The following KCNQ4 variants were observed in gnomAD, a reference collection of about 807,000 sequenced individuals.
KCNQ4 encodes the protein potassium voltage-gated channel subfamily Q member 4, also known as potassium voltage-gated channel subfamily KQT member 4.
KCNQ4 carries 31 observed loss-of-function variants against 72.6 expected under a neutral mutation model. The observed-to-expected ratio is 0.43, with a 90% CI of 0.32 to 0.58. The LOEUF is 0.58. KCNQ4 is among the 20% of genes least tolerant of loss of function. The probability of loss-of-function intolerance (pLI) is 0.08; values close to 1 mark genes in which losing one functional copy is unlikely to be tolerated. For missense variants in KCNQ4, 869 were observed against 962.6 expected, an observed-to-expected ratio of 0.90 and a Z score of 1.29; for synonymous variants, 405 against 403.7, an observed-to-expected ratio of 1.00 and a Z score of -0.04.
At chr1:40,824,285 C>T (rs763410098) in intron 9 of KCNQ4, 27 bp downstream of exon 9, 9 of 1,596,798 alleles carry the variant, frequency 5.6e-6, no homozygotes, top group Admixed American at 1.7e-5. Context: ...GCTGCCACCT[C>T]CTCTTGCTTC....
In KCNQ4 at chr1:40,817,103, C is replaced by T. The variant is rs1280879697; in HGVS notation, c.315-162C>T. Among the ~76,000 whole-genome samples, 1 of 152,234 alleles carries T rather than the reference C, an allele frequency of 6.6e-6. No individual in the cohort carries two copies. The highest frequency in any genetic ancestry group is 2.4e-5 in the African/African-American group (1 of 41,454). ...GGCTTGAGGGCTGCTGCCTTTGGTG[C>T]CCAGCACAGAGCTGTAACTCCAGGG... On this transcript the variant is annotated intron_variant, in intron 1 of 13. Transcript: ENST00000347132. The surrounding 1 kb of genome is among the most constrained non-coding windows in gnomAD (Gnocchi z 5.5).
intron 1 of KCNQ4, among the ~76,000 whole-genome samples, chr1:40,807,219 G>A (rs1377665419): frequency 6.6e-6 from 1 of 152,056 alleles, no homozygotes; most frequent in Non-Finnish European, 1.5e-5. Context: ...GTCCCTCCAG[G>A]GACAGCCTCA....
At chr1:40,787,118 G>A (rs1647211147) in intron 1 of KCNQ4, among the ~76,000 whole-genome samples, 1 of 152,196 alleles carries the variant, frequency 6.6e-6, no homozygotes, top group Non-Finnish European at 1.5e-5. Flanking sequence ...GCGGGGCGCA[G>A]TGGCTCTCAC....
rs1648111315 is a variant in KCNQ4 at position 40,817,243 on chromosome 1, C to T, written c.315-22C>T. ...CCTGTCCCTCCAACAATCTAACCCT[C>T]TCCCTCATGTTGTAATTGCAGATTT... On this transcript the variant is annotated intron_variant, in intron 1 of 13. Transcript: ENST00000347132. The surrounding 1 kb of genome is among the most constrained non-coding windows in gnomAD (Gnocchi z 5.5). The T allele has an allele frequency of 6.2e-7, 1 of 1,605,138 alleles. No homozygotes were observed. Among genetic ancestry groups the T allele is most frequent in the East Asian group, 2.2e-5 (1 of 44,832 alleles).
chr1:40,822,356 C>T lies in KCNQ4; in HGVS notation c.1084C>T (p.Leu362=). The change falls in exon 8 of 14, where the codon CTG becomes TTG. Residue 362 remains leucine (L), a synonymous_variant. Coordinates refer to ENST00000347132, the MANE Select transcript of KCNQ4 (RefSeq NM_004700.4). ...LYSTDMSRAY[L]TATWYYYDSI... is the part of the protein sequence containing the mutation. ...CTCCACCGATATGAGCCGGGCCTAC[C>T]TGACAGCCACCTGGTACTACTATGA... 6.2e-7 allele frequency: 1 copy of T among 1,609,224 alleles called. No homozygotes were observed.
chr1:40,786,963 TC>T (rs1415183865), intron 1 of KCNQ4, among the ~76,000 whole-genome samples: 1 of 152,114 alleles, frequency 6.6e-6, no homozygotes, highest in Non-Finnish European at 1.5e-5. Context: ...TTGGGTCAAA[TC>T]CTTTCTCCTC....
Position 40,784,435 on chromosome 1 carries a change from C to T in KCNQ4, c.314+28C>T. On this transcript the variant is annotated intron_variant, in intron 1 of 13. Coordinates refer to ENST00000347132, the MANE Select transcript of KCNQ4 (RefSeq NM_004700.4). The surrounding 1 kb of genome is among the most constrained non-coding windows in gnomAD (Gnocchi z 4.1). ...GAGTTTGCGACCCCGCGCCCTTCCG[C>T]GTTTCCCCGCGCAAGCCTGGCCTCC... 2 of 1,600,200 alleles carry T rather than the reference C, an allele frequency of 1.2e-6. No individual in the cohort carries two copies. The highest frequency in any genetic ancestry group is 1.1e-5 in the South Asian group (1 of 91,002).
intron 1 of KCNQ4, among the ~76,000 whole-genome samples, chr1:40,789,236 G>A: frequency 6.6e-6 from 1 of 152,148 alleles, no homozygotes; most frequent in East Asian, 1.9e-4. Flanking sequence ...TGACCTTGGG[G>A]TATACTGCTG....
chr1:40,818,858 T>A, intron 4 of KCNQ4, 178 bp downstream of exon 4: 1 of 664,550 alleles, frequency 1.5e-6, no homozygotes, highest in Non-Finnish European at 2.6e-6. Context: ...AAGTGGATTC[T>A]GAATTAGGTA....
At chr1:40,829,278 G>T (rs1024659902) in intron 9 of KCNQ4, among the ~76,000 whole-genome samples, 1 of 152,212 alleles carries the variant, frequency 6.6e-6, no homozygotes, top group African/African-American at 2.4e-5. Flanking sequence ...GAGGGAGCCT[G>T]CAGGAATGGC....
At chr1:40,811,767 G>GA (rs1362858125) in intron 1 of KCNQ4, among the ~76,000 whole-genome samples, 3 of 152,202 alleles carry the variant, frequency 2.0e-5, no homozygotes, top group African/African-American at 7.2e-5. Flanking sequence ...CAGGGAGAAA[G>GA]AACATGGGCC....
At chr1:40,838,236 C>G (rs1177726660) in intron 13 of KCNQ4, 75 bp from the exon 14 acceptor site, 1 of 1,319,430 alleles carries the variant, frequency 7.6e-7, no homozygotes, top group East Asian at 2.3e-5. Context: ...GGGTCCGCCC[C>G]GAGACCCAAG....
rs559769149 is a variant in KCNQ4, at chr1:40,818,791, G to T, written c.708+111G>T. ...GGGGCTGTCTCCGTGCTGGGAAGGG[G>T]TGTGGCCTGCGGGGGTTGGAGCCCT... On this transcript the variant is annotated intron_variant, in intron 4 of 13. Transcript: ENST00000347132. 526 of 1,266,310 alleles carry T rather than the reference G, an allele frequency of 4.2e-4. 6 individuals are homozygous for T. In the East Asian group the frequency reaches 0.01, roughly 25 times the overall value. 78.4% of individuals were successfully genotyped at this position (1,266,310 alleles called of 1,614,324 possible).
chr1:40,804,133 C>G (rs1187039261), intron 1 of KCNQ4, among the ~76,000 whole-genome samples: 1 of 152,234 alleles, frequency 6.6e-6, no homozygotes, highest in Non-Finnish European at 1.5e-5. Context: ...TGAGGTTACC[C>G]TGACCCCTGC....
At chr1:40,813,288 C>T (rs1454379355) in intron 1 of KCNQ4, among the ~76,000 whole-genome samples, 2 of 152,146 alleles carry the variant, frequency 1.3e-5, no homozygotes, top group African/African-American at 4.8e-5. Context: ...GGGAAGATGA[C>T]CCTGGCTGCG....
At chr1:40,838,128 T>C (rs945544156) in intron 13 of KCNQ4, among the ~76,000 whole-genome samples, 183 bp from the exon 14 acceptor site, 1 of 152,120 alleles carries the variant, frequency 6.6e-6, no homozygotes, top group African/African-American at 2.4e-5. Flanking sequence ...CCCCGGGTTA[T>C]GCACCAGTGC....
Position 40,818,223 on chromosome 1 carries a change from A to C in KCNQ4, c.465A>C (p.Gly155=), listed in dbSNP as rs145129529. 1,148 of 1,613,784 alleles carry C rather than the reference A, an allele frequency of 7.1e-4. 2 individuals carry two copies. Among genetic ancestry groups the C allele is most frequent in the Admixed American group, 1.2e-3 (73 of 60,010 alleles). The part of the protein sequence containing the change: ...LEYIVRVWSA[G]CCCRYRGWQG... ...ACATCGTCCGGGTCTGGTCCGCCGG[A>C]TGCTGCTGCCGCTACCGAGGATGGC... Residue 155 remains glycine (G), a synonymous_variant, in exon 3 of 14, where the codon GGA becomes GGC. Transcript: ENST00000347132.
At chr1:40,816,600 T>C (rs1262842686) in intron 1 of KCNQ4, among the ~76,000 whole-genome samples, 1 of 152,204 alleles carries the variant, frequency 6.6e-6, no homozygotes. Flanking sequence ...TCTGGGCCAC[T>C]CTGTAGTTTC....
Position 40,818,636 on chromosome 1 carries a change from G to A in KCNQ4, c.664G>A (p.Gly222Ser), listed in dbSNP as rs757655218. ...LRMVRMDRRGGTWKLLGSVVY... is the reference protein window; with the variant it reads ...LRMVRMDRRGSTWKLLGSVVY... ...CATGGTGCGCATGGACCGCCGCGGC[G>A]GCACCTGGAAGCTGCTGGGCTCAGT... The change falls in exon 4 of 14, where the codon GGC (glycine) becomes AGC (serine). Residue 222 changes from glycine to serine, a missense_variant. Physicochemically the swap from Gly to Ser is moderately conservative, Grantham distance 56 (BLOSUM62 0). This residue lies in a region of KCNQ4 where 179 missense variants were observed against 243.0 expected (regional missense o/e 0.74). Transcript: ENST00000347132. 3 of 1,606,708 alleles carry A rather than the reference G, an allele frequency of 1.9e-6. No homozygotes were observed. Among genetic ancestry groups the A allele is most frequent in the Non-Finnish European group, 8.5e-7 (1 of 1,179,390 alleles).
Sources: gnomAD v4.1 joint callset for allele counts (sites outside exome capture counted in the v4.1 genomes callset) on GRCh38, gnomAD v4.1.1 for gene constraint, gnomAD v4.1.1 regional missense constraint, Gnocchi (gnomAD v3.1) non-coding constraint, MANE v1.5 for transcripts, NCBI Gene and HGNC (gene_info 2026-07-23, HGNC 2026-07-21) for gene names.